The following NBPF10 variants were observed in gnomAD, a reference collection of about 807,000 sequenced individuals.
NBPF10 encodes the protein NBPF family member NBPF10.
Under a neutral mutation model 77.9 loss-of-function variants are expected in NBPF10, and 63 were observed. That is an observed-to-expected ratio of 0.81 (90% CI 0.66 to 1.00). The LOEUF (loss-of-function observed/expected upper bound fraction) is 1.00, where lower values mean the gene tolerates loss of function less well. Among genes scored for constraint, NBPF10 ranks in the 50% least tolerant of loss-of-function variants. The pLI is 0.00. For synonymous variants in NBPF10, 146 were observed against 264.5 expected (o/e 0.55, Z 4.35); for missense variants, 522 against 679.8 (o/e 0.77, Z 2.58).
intron 35 of NBPF10, among the ~76,000 whole-genome samples, chr1:146,109,394 T>A (rs1387333398): frequency 6.4e-4 from 25 of 38,914 alleles, no homozygotes; most frequent in African/African-American, 1.7e-3. Flanking sequence ...GGTGACGCAC[T>A]GATGAGGGAG....
chr1:146,126,470 C>G (rs1440273878), intron 13 of NBPF10, 62 bp from the exon 14 acceptor site: 7 of 768,646 alleles, frequency 9.1e-6, no homozygotes, highest in African/African-American at 3.4e-5. Context: ...ACAGCCCCAG[C>G]TAGATTTCAT....
At position 146,073,120 on chromosome 1, in the gene NBPF10, GAA is replaced by G. The variant is rs1655823380; in HGVS notation, c.10131-221_10131-220del. On this transcript the variant is annotated intron_variant, in intron 81 of 89. Coordinates refer to ENST00000583866, the Ensembl canonical transcript of NBPF10. Reference sequence around the variant, plus strand: ...GAGAGGGAGAGAGAGAGAGGGAGGAGAAAGTGAGCTCAGCGAATTGGCCGGGT... The same window carrying G: ...GAGAGGGAGAGAGAGAGAGGGAGGAGAGTGAGCTCAGCGAATTGGCCGGGT... 1.9e-4 allele frequency among the ~76,000 whole-genome samples: 14 copies of G among 73,538 alleles called. 3 individuals are homozygous for G. The South Asian group carries it at 5.3e-3, about 28-fold the overall frequency. The allele number at this position is 73,538 out of a possible 152,430, so 48.2% of individuals were successfully genotyped here. A position where few individuals can be genotyped will look rare whatever the true frequency, so the allele number is the denominator to read the frequency against.
intron 1 of NBPF10, among the ~76,000 whole-genome samples, chr1:146,143,739 GATTT>G (rs1317897559): frequency 2.9e-5 from 4 of 137,374 alleles, no homozygotes; most frequent in African/African-American, 5.4e-5. Flanking sequence ...TTTTATTTTT[GATTT>G]ATTTATCGTT....
In NBPF10 at chr1:146,136,886, G is replaced by A. The variant is rs7416707; in HGVS notation, c.989-431C>T. Among the ~76,000 whole-genome samples, 14 of 146,662 alleles carry A rather than the reference G, an allele frequency of 9.5e-5. No homozygotes were observed. The East Asian group carries it at 1.6e-3, about 17-fold the overall frequency. ...GTTTCCCTTTTACTGGGAATTTCAAGGACAAGTATGCGAAAGATTTTTAAA... is the reference window on the plus strand; with the variant it reads ...GTTTCCCTTTTACTGGGAATTTCAAAGACAAGTATGCGAAAGATTTTTAAA... On this transcript the variant is annotated intron_variant, in intron 6 of 89. Coordinates refer to ENST00000583866, the Ensembl canonical transcript of NBPF10.
intron 5 of NBPF10, among the ~76,000 whole-genome samples, chr1:146,139,169 G>A (rs587660483): frequency 3.5e-5 from 5 of 142,718 alleles, no homozygotes; most frequent in East Asian, 2.0e-4. Context: ...GCACAATCTC[G>A]GCTCACTGCA....
At chr1:146,128,950 T>A (rs1659019968) in intron 11 of NBPF10, among the ~76,000 whole-genome samples, 1 of 150,964 alleles carries the variant, frequency 6.6e-6, no homozygotes, top group Admixed American at 6.6e-5. Context: ...AGCATCAACA[T>A]CAACAAAAAA....
exon 88 of NBPF10, chr1:146,068,169 G>T (rs1463161812): frequency 2.3e-6 from 1 of 438,052 alleles, no homozygotes; most frequent in South Asian, 2.2e-5. Context: ...GCAGCTCCCT[G>T]CTGAGCCTGG....
chr1:146,142,417 C>T (rs1553797747), intron 2 of NBPF10, among the ~76,000 whole-genome samples: 2 of 134,764 alleles, frequency 1.5e-5, no homozygotes, highest in African/African-American at 5.0e-5. Context: ...ATGTAAATTT[C>T]ACATCAACAA....
chr1:146,066,591 G>C lies in NBPF10; in HGVS notation c.11145-30C>G, dbSNP rs371092816. On this transcript the variant is annotated intron_variant, in intron 89 of 89. Coordinates refer to ENST00000583866, the Ensembl canonical transcript of NBPF10. The stretch of plus-strand genomic sequence containing the variant: ...AAAAGGAGACAAAACTAAAGAAGCA[G>C]CCAGGGAAAATCAGACACCACAGAG... 8.3e-4 allele frequency: 503 copies of C among 603,568 alleles called. 6 individuals carry two copies. The East Asian group carries it at 0.012, about 15-fold the overall frequency. 37.4% of individuals were successfully genotyped at this position (603,568 alleles called of 1,614,324 possible). A position where few individuals can be genotyped will look rare whatever the true frequency, so the allele number is the denominator to read the frequency against.
At chr1:146,126,440 CA>C (rs782107017) in intron 13 of NBPF10, 32 bp from the exon 14 acceptor site, 6 of 905,842 alleles carry the variant, frequency 6.6e-6, no homozygotes, top group Non-Finnish European at 9.2e-6. Flanking sequence ...AAGAATAAGC[CA>C]GGGGGAATCA....
intron 88 of NBPF10, among the ~76,000 whole-genome samples, 164 bp from the exon 89 acceptor site, chr1:146,067,452 T>C (rs1179241039): frequency 7.9e-6 from 1 of 126,916 alleles, no homozygotes; most frequent in Admixed American, 8.5e-5. Context: ...ATGATAGAAA[T>C]TCCTCGGTTT....
intron 4 of NBPF10, 62 bp downstream of exon 4, chr1:146,140,422 G>A: frequency 3.3e-6 from 2 of 603,810 alleles, no homozygotes; most frequent in Non-Finnish European, 5.8e-6. Flanking sequence ...CAGAGAGGGT[G>A]TGCCTCCTAG....
intron 6 of NBPF10, among the ~76,000 whole-genome samples, chr1:146,137,679 A>C (rs1553795687): frequency 1.5e-5 from 2 of 135,972 alleles, no homozygotes; most frequent in East Asian, 4.3e-4. Context: ...GTGAGCCACC[A>C]TGCACGGCCC....
intron 77 of NBPF10, among the ~76,000 whole-genome samples, chr1:146,076,300 CACAGAGAGAGAG>C (rs1228106058): frequency 9.7e-4 from 9 of 9,260 alleles, no homozygotes; most frequent in Admixed American, 2.1e-3. Flanking sequence ...CACACACACA[CACAGAGAGAGAG>C]AGAGAACGAG....
At chr1:146,067,507 G>A (rs587705912) in intron 88 of NBPF10, among the ~76,000 whole-genome samples, 15 of 146,862 alleles carry the variant, frequency 1.0e-4, no homozygotes, top group Admixed American at 1.4e-4. Context: ...CTAGTAGATC[G>A]TTATCCCAAT....
At chr1:146,066,747 A>G (rs1553777605) in intron 89 of NBPF10, among the ~76,000 whole-genome samples, 186 bp from the exon 90 acceptor site, 2 of 151,424 alleles carry the variant, frequency 1.3e-5, no homozygotes, top group Non-Finnish European at 2.9e-5. Flanking sequence ...AAAACAATGA[A>G]AGAGAAAGAC....
chr1:146,127,178 A>C lies in NBPF10; in HGVS notation c.1802-99T>G. On this transcript the variant is annotated intron_variant, in intron 12 of 89. Transcript: ENST00000583866. Reference sequence around the variant, plus strand: ...CTAACACAGGGACATCAGTCTTGTCAGTGTGAGAACAGGAGACTTTCAGAG... The same window carrying C: ...CTAACACAGGGACATCAGTCTTGTCCGTGTGAGAACAGGAGACTTTCAGAG... 6 of 586,032 alleles carry C rather than the reference A, an allele frequency of 1.0e-5. 1 individual carries two copies. The highest frequency in any genetic ancestry group is 1.8e-5 in the Non-Finnish European group (6 of 340,602). 36.3% of individuals were successfully genotyped at this position (586,032 alleles called of 1,614,324 possible).
chr1:146,135,961 A>G (rs6701178), intron 7 of NBPF10, among the ~76,000 whole-genome samples: 194 of 149,638 alleles, frequency 1.3e-3, no homozygotes, highest in African/African-American at 4.2e-3. Flanking sequence ...CAGGGTCGAG[A>G]AGGCAACATT....
At chr1:146,125,632 C>G in intron 14 of NBPF10, 116 bp from the exon 15 acceptor site, 1 of 522,780 alleles carries the variant, frequency 1.9e-6, no homozygotes, top group Non-Finnish European at 3.4e-6. Context: ...GAATAGGACA[C>G]TGTGAGAGAT....
Sources: gnomAD v4.1 joint callset for allele counts (sites outside exome capture counted in the v4.1 genomes callset) on GRCh38, gnomAD v4.1.1 for gene constraint, MANE v1.5 for transcripts, NCBI Gene and HGNC (gene_info 2026-07-23, HGNC 2026-07-21) for gene names.